TNNI3K: variants seen among roughly 807,000 people sequenced by gnomAD.
TNNI3K encodes TNNI3 interacting kinase.
Under a neutral mutation model 114.5 loss-of-function variants are expected in TNNI3K, and 140 were observed. The observed-to-expected ratio is 1.22, with a 90% CI of 1.07 to 1.41. TNNI3K has a LOEUF of 1.41. TNNI3K is among the 40% of genes most tolerant of loss of function. TNNI3K has a pLI of 0.00. For missense variants in TNNI3K, 1,125 were observed against 1,007.6 expected, an observed-to-expected ratio of 1.12 and a Z score of -1.58; for synonymous variants, 347 against 347.5, an observed-to-expected ratio of 1.00 and a Z score of 0.02.
intron 10 of TNNI3K, 124 bp from the exon 11 acceptor site, chr1:74,353,856 G>T (rs1661517352): frequency 1.5e-6 from 2 of 1,347,666 alleles, no homozygotes; most frequent in Non-Finnish European, 2.0e-6. Context: ...CTTTATCAAA[G>T]AAATCAATCC....
chr1:74,423,444 C>A (rs895524001), intron 17 of TNNI3K, among the ~76,000 whole-genome samples: 10 of 152,184 alleles, frequency 6.6e-5, no homozygotes, highest in African/African-American at 1.9e-4. Context: ...TTCTGTATGA[C>A]CCTGTCAAAG....
At chr1:74,235,594 A>T (rs1165623043) in intron 1 of TNNI3K, 103 bp downstream of exon 1, 4 of 631,676 alleles carry the variant, frequency 6.3e-6, no homozygotes, top group African/African-American at 1.9e-5. Flanking sequence ...TGTATACGGA[A>T]GATAAGGCAG....
intron 7 of TNNI3K, among the ~76,000 whole-genome samples, chr1:74,337,360 T>C (rs1284938181): frequency 5.9e-5 from 9 of 151,586 alleles, no homozygotes; most frequent in African/African-American, 2.2e-4. Context: ...TTTAATTAGA[T>C]CCCATTTGTC....
At chr1:74,426,839 G>A (rs565061246) in intron 17 of TNNI3K, among the ~76,000 whole-genome samples, 51 of 152,150 alleles carry the variant, frequency 3.4e-4, no homozygotes, top group African/African-American at 1.2e-3. Context: ...ATGCCCTGTA[G>A]TTAGTGCCTT....
intron 20 of TNNI3K, among the ~76,000 whole-genome samples, chr1:74,458,796 G>A (rs1253828361): frequency 1.3e-5 from 2 of 152,152 alleles, no homozygotes; most frequent in Admixed American, 6.5e-5. Flanking sequence ...AGATTCAGGG[G>A]GTACATGTGC....
intron 11 of TNNI3K, among the ~76,000 whole-genome samples, chr1:74,355,007 C>G (rs1661576537): frequency 6.6e-6 from 1 of 152,102 alleles, no homozygotes; most frequent in Admixed American, 6.5e-5. Context: ...CATAAGCAAG[C>G]TCTCCATATA....
chr1:74,370,305 C>G lies in TNNI3K; in HGVS notation c.1685C>G (p.Ser562Cys). ...AATTCTAGGATTCTTGATTTGCAGT[C>G]TAAATTAATTATTGCAGTAGATGTT... ...HEQKRILDLQSKLIIAVDVAK... is the reference protein window; with the variant it reads ...HEQKRILDLQCKLIIAVDVAK... The change falls in exon 17 of 25, where the codon TCT becomes TGT. Residue 562 changes from serine to cysteine, a missense_variant. Ser to Cys is a moderately radical substitution (Grantham distance 112). Transcript: ENST00000326637. The G allele has an allele frequency of 6.3e-7, 1 of 1,595,704 alleles. No homozygotes were observed. Among genetic ancestry groups the G allele is most frequent in the South Asian group, 1.1e-5 (1 of 88,294 alleles).
intron 4 of TNNI3K, among the ~76,000 whole-genome samples, chr1:74,251,889 G>A (rs570506892): frequency 6.6e-6 from 1 of 152,128 alleles, no homozygotes; most frequent in Non-Finnish European, 1.5e-5. Context: ...AATTCCTTCT[G>A]GGAGAAAGCC....
chr1:74,242,129 A>G lies in TNNI3K; in HGVS notation c.149+5919A>G, dbSNP rs185764768. On this transcript the variant is annotated intron_variant, in intron 2 of 24. Coordinates refer to ENST00000326637, the MANE Select transcript of TNNI3K (RefSeq NM_015978.3). ...CTCCCAAAGTGCTGGGATTACAAGC[A>G]TGAGCCACCGCGCCTGACCCAGAAA... Among the ~76,000 whole-genome samples, 1,357 of 152,152 alleles carry G rather than the reference A, an allele frequency of 8.9e-3. 5 individuals carry two copies. The highest frequency in any genetic ancestry group is 0.017 in the African/African-American group (713 of 41,524).
At chr1:74,353,899 G>A (rs977283166) in intron 10 of TNNI3K, 81 bp from the exon 11 acceptor site, 9 of 1,491,616 alleles carry the variant, frequency 6.0e-6, no homozygotes, top group East Asian at 2.3e-5. Context: ...ATGCTATTAT[G>A]TGGTGATGAC....
chr1:74,299,003 A>G (rs1362794689), intron 5 of TNNI3K, among the ~76,000 whole-genome samples: 1 of 152,156 alleles, frequency 6.6e-6, no homozygotes, highest in Admixed American at 6.5e-5. Context: ...GAAAAGATAT[A>G]TCATCTGAAA....
chr1:74,302,310 A>G (rs781540498), intron 5 of TNNI3K, among the ~76,000 whole-genome samples: 5 of 152,174 alleles, frequency 3.3e-5, no homozygotes, highest in African/African-American at 7.2e-5. Context: ...CCTTGGGCCT[A>G]CCTATTCCCT....
intron 17 of TNNI3K, among the ~76,000 whole-genome samples, chr1:74,400,864 G>T (rs1469151337): frequency 6.6e-6 from 1 of 152,158 alleles, no homozygotes; most frequent in Non-Finnish European, 1.5e-5. Context: ...AATTGGACTG[G>T]GATTTGTGCC....
At chr1:74,367,871 C>A in intron 12 of TNNI3K, 37 bp from the exon 13 acceptor site, 1 of 1,532,568 alleles carries the variant, frequency 6.5e-7, no homozygotes, top group Non-Finnish European at 8.8e-7. Flanking sequence ...AAAAAATGAT[C>A]GCTACTTTCA....
chr1:74,496,528 G>A (rs1167335298), intron 23 of TNNI3K, among the ~76,000 whole-genome samples: 1 of 152,074 alleles, frequency 6.6e-6, no homozygotes, highest in Non-Finnish European at 1.5e-5. Flanking sequence ...TCAATTTTTG[G>A]TCATGAAGTT....
At chr1:74,284,699 T>C (rs1331655351) in intron 5 of TNNI3K, among the ~76,000 whole-genome samples, 1 of 152,212 alleles carries the variant, frequency 6.6e-6, no homozygotes, top group African/African-American at 2.4e-5. Flanking sequence ...AGATCTCAGG[T>C]TACTAACTAA....
At position 74,370,339 on chromosome 1, in the gene TNNI3K, C is replaced by T; in HGVS notation, c.1719C>T (p.Gly573=). The T allele has an allele frequency of 1.9e-6, 3 of 1,607,562 alleles. No homozygotes were observed. The highest frequency in any genetic ancestry group is 2.6e-6 in the Non-Finnish European group (3 of 1,176,128). Residue 573 remains glycine (G), a synonymous_variant, in exon 17 of 25, where the codon GGC becomes GGT. Coordinates refer to ENST00000326637, the MANE Select transcript of TNNI3K (RefSeq NM_015978.3). The part of the protein sequence containing the change: ...KLIIAVDVAK[G]MEYLHNLTQP... ...TTATTGCAGTAGATGTTGCCAAAGGCATGGAGTACCTTCACAACCTGACAC... is the reference window on the plus strand; with the variant it reads ...TTATTGCAGTAGATGTTGCCAAAGGTATGGAGTACCTTCACAACCTGACAC...
At position 74,459,469 on chromosome 1, in the gene TNNI3K, C is replaced by T. The variant is rs139137890; in HGVS notation, c.2012-3972C>T. Among the ~76,000 whole-genome samples the T allele has an allele frequency of 1.8e-3, 274 of 151,874 alleles. 1 individual carries two copies. The highest frequency in any genetic ancestry group is 6.3e-3 in the African/African-American group (262 of 41,386). On this transcript the variant is annotated intron_variant, in intron 20 of 24. Coordinates refer to ENST00000326637, the MANE Select transcript of TNNI3K (RefSeq NM_015978.3). The stretch of plus-strand genomic sequence containing the variant: ...AAGAGCTAAATGACAGTAGATGTTA[C>T]GAAGGAAAAAGAGGTAGGGGAGAAC...
intron 23 of TNNI3K, among the ~76,000 whole-genome samples, chr1:74,512,189 T>C (rs529360455): frequency 6.6e-6 from 1 of 152,274 alleles, no homozygotes; most frequent in Admixed American, 6.5e-5. Context: ...TAAAGGGGCA[T>C]GATTTCTGCA....
Sources: gnomAD v4.1 joint callset for allele counts (sites outside exome capture counted in the v4.1 genomes callset) on GRCh38, gnomAD v4.1.1 for gene constraint, MANE v1.5 for transcripts, NCBI Gene and HGNC (gene_info 2026-07-23, HGNC 2026-07-21) for gene names.